The following SLC26A1 variants were observed in gnomAD, a reference collection of about 807,000 sequenced individuals.
The protein encoded by SLC26A1 is sulfate anion transporter 1.
Under a neutral mutation model 14.5 loss-of-function variants are expected in SLC26A1, and 18 were observed. The ratio of observed to expected loss-of-function variants is 1.24; its 90% CI spans 0.86 to 1.84. The LOEUF is 1.84. Among genes scored for constraint, SLC26A1 ranks in the 40% most tolerant of loss-of-function variants. The pLI, the probability that SLC26A1 is intolerant of heterozygous loss-of-function variation, is 0.00. For missense variants in SLC26A1, 1,049 were observed against 1,020.0 expected (o/e 1.03, Z -0.39); for synonymous variants, 505 against 492.0 (o/e 1.03, Z -0.35).
chr4:990,086 G>A lies in SLC26A1; in HGVS notation c.853C>T (p.Arg285Ter), dbSNP rs770596557. 1.6e-5 allele frequency: 26 copies of A among 1,598,518 alleles called. No individual in the cohort carries two copies. Among genetic ancestry groups the A allele is most frequent in the South Asian group, 5.6e-5 (5 of 88,762 alleles). ...LAAKELSDRYRHRLRVPLPTE... is the reference protein window; with the variant it reads ...LAAKELSDRY ...GGCAGCGGCACCCTCAGGCGGTGTCGGTAGCGGTCTGAGAGCTCCTTCGCG... is the reference window on the plus strand; with the variant it reads ...GGCAGCGGCACCCTCAGGCGGTGTCAGTAGCGGTCTGAGAGCTCCTTCGCG... Residue 285 changes from arginine (R) to a stop codon, truncating the protein, a stop_gained, in exon 3 of 3, where the codon CGA becomes TGA. Coordinates refer to ENST00000398516, the MANE Select transcript of SLC26A1 (RefSeq NM_022042.4). LOFTEE classifies it low-confidence loss of function (END_TRUNC).
downstream of SLC26A1, among the ~76,000 whole-genome samples, chr4:984,528 C>T (rs1713640990): frequency 6.6e-6 from 1 of 152,146 alleles, no homozygotes; most frequent in Non-Finnish European, 1.5e-5. Flanking sequence ...ATCATTGAGT[C>T]GTTTAATAAT....
chr4:992,191 T>C (rs189991599), intron 1 of SLC26A1: 2 of 460,258 alleles, frequency 4.3e-6, no homozygotes, highest in Non-Finnish European at 8.7e-6. Context: ...CAGGCAAGCC[T>C]GAGTCCAGCT....
At chr4:987,178 G>C, downstream of SLC26A1, 3 of 1,469,932 alleles carry the variant, frequency 2.0e-6, no homozygotes, top group South Asian at 1.3e-5. Context: ...CCCGCACCTG[G>C]TGCATGTGGA....
Position 990,054 on chromosome 4 carries a change from C to T in SLC26A1, c.885G>A (p.Glu295=), listed in dbSNP as rs1397959316. 4 of 1,601,328 alleles carry T rather than the reference C, an allele frequency of 2.5e-6. No individual in the cohort carries two copies. In the African/African-American group the frequency reaches 4.0e-5, roughly 16 times the overall value. The change falls in exon 3 of 3, where the codon GAG becomes GAA. Residue 295 remains glutamate (E), a synonymous_variant. Coordinates refer to ENST00000398516, the MANE Select transcript of SLC26A1 (RefSeq NM_022042.4). The stretch of plus-strand genomic sequence containing the variant: ...GTGTGGCCACCACGATGACCAGCAG[C>T]TCCGTGGGCAGCGGCACCCTCAGGC... ...RHRLRVPLPT[E]LLVIVVATLV... is the part of the protein sequence containing the mutation.
chr4:992,122 G>A (rs1714404309), intron 1 of SLC26A1: 2 of 491,244 alleles, frequency 4.1e-6, no homozygotes, highest in South Asian at 3.1e-5. Context: ...GGAACAGGCT[G>A]GGCTGCCACC....
chr4:982,456 G>T (rs1360980727), intron 2 of SLC26A1, among the ~76,000 whole-genome samples: 5 of 152,226 alleles, frequency 3.3e-5, no homozygotes. Context: ...AGAGAAATGG[G>T]TGCGTGCGTG....
intron 2 of SLC26A1, among the ~76,000 whole-genome samples, chr4:980,530 G>A (rs1186391363): frequency 6.7e-6 from 1 of 149,936 alleles, no homozygotes; most frequent in Admixed American, 6.7e-5. Context: ...AGGCTGCAGT[G>A]AGCCAGGATC....
rs750448829 is a variant in SLC26A1 at position 990,058 on chromosome 4, G to A, written c.881C>T (p.Thr294Met). Residue 294 changes from threonine to methionine, a missense_variant, in exon 3 of 3, where the codon ACG becomes ATG. Physicochemically the swap from Thr to Met is moderately conservative, Grantham distance 81. Coordinates refer to ENST00000398516, the MANE Select transcript of SLC26A1 (RefSeq NM_022042.4). ...YRHRLRVPLP[T>M]ELLVIVVATL... is the part of the protein sequence containing the mutation. Reference sequence around the variant, plus strand: ...GGCCACCACGATGACCAGCAGCTCCGTGGGCAGCGGCACCCTCAGGCGGTG... The same window carrying A: ...GGCCACCACGATGACCAGCAGCTCCATGGGCAGCGGCACCCTCAGGCGGTG... The A allele has an allele frequency of 3.9e-5, 62 of 1,601,288 alleles. 1 individual carries two copies. The highest frequency in any genetic ancestry group is 1.6e-4 in the Middle Eastern group (1 of 6,072).
At chr4:983,752 T>C (rs948828967), downstream of SLC26A1, among the ~76,000 whole-genome samples, 2 of 152,354 alleles carry the variant, frequency 1.3e-5, no homozygotes, top group African/African-American at 2.4e-5. Flanking sequence ...CCCCCCGCAC[T>C]CTTCACTTCT....
downstream of SLC26A1, among the ~76,000 whole-genome samples, chr4:983,016 G>GC (rs1319668287): frequency 6.6e-6 from 1 of 152,234 alleles, no homozygotes; most frequent in Non-Finnish European, 1.5e-5. Flanking sequence ...GGCGACAGGC[G>GC]CGGGCCTGGA....
downstream of SLC26A1, among the ~76,000 whole-genome samples, chr4:982,891 C>T (rs867808015): frequency 7.2e-5 from 11 of 152,248 alleles, no homozygotes; most frequent in African/African-American, 1.4e-4. Context: ...AACCCCCCTC[C>T]GTCTCCCCTG....
Position 989,653 on chromosome 4 carries a change from G to A in SLC26A1, c.1286C>T (p.Ala429Val), listed in dbSNP as rs139142520. The change falls in exon 3 of 3, where the codon GCG becomes GTG. Residue 429 changes from alanine (A) to valine (V), a missense_variant. Transcript: ENST00000398516. Reference sequence around the variant, plus strand: ...TAGGTCGTGGAACAGCGGTGCCAGCGCCAGCAGCACCAGCAGCACCACGGT... The same window carrying A: ...TAGGTCGTGGAACAGCGGTGCCAGCACCAGCAGCACCAGCAGCACCACGGT... The part of the protein sequence containing the change: ...SATVVLLVLL[A>V]LAPLFHDLQR... 5.9e-4 allele frequency: 934 copies of A among 1,588,650 alleles called. 1 individual carries two copies. Among genetic ancestry groups the A allele is most frequent in the Non-Finnish European group, 7.4e-4 (868 of 1,168,886 alleles).
Position 988,175 on chromosome 4 carries a change from A to T in SLC26A1, c.*658T>A. On this transcript the variant is annotated 3_prime_UTR_variant, in exon 3 of 3. Coordinates refer to ENST00000398516, the MANE Select transcript of SLC26A1 (RefSeq NM_022042.4). Reference sequence around the variant, plus strand: ...TTCCTGCAGGTCTCCCTGCAGGCTCAGGGTTGGCTGCGCCGCACCTGGCTC... The same window carrying T: ...TTCCTGCAGGTCTCCCTGCAGGCTCTGGGTTGGCTGCGCCGCACCTGGCTC... 5.8e-6 allele frequency: 8 copies of T among 1,384,898 alleles called. No individual in the cohort carries two copies. The highest frequency in any genetic ancestry group is 7.5e-6 in the Non-Finnish European group (8 of 1,070,004). The allele number at this position is 1,384,898 out of a possible 1,614,324, so 85.8% of individuals were successfully genotyped here.
At chr4:986,550 T>G (rs1383277865), downstream of SLC26A1, among the ~76,000 whole-genome samples, 2 of 152,218 alleles carry the variant, frequency 1.3e-5, no homozygotes, top group Non-Finnish European at 2.9e-5. Context: ...ATATTTTCAG[T>G]CTGCTTGGTT....
At position 989,556 on chromosome 4, in the gene SLC26A1, C is replaced by T. The variant is rs759250829; in HGVS notation, c.1383G>A (p.Pro461=). ...RGALRKVWDL[P]RLWRMSPADA... ...CAGCCGGGCTCATCCGCCACAGCCG[C>T]GGGAGGTCCCACACCTTGCGCAGGG... Residue 461 remains proline (P), a synonymous_variant, in exon 3 of 3, where the codon CCG becomes CCA. Transcript: ENST00000398516. The T allele has an allele frequency of 1.2e-4, 189 of 1,579,480 alleles. No homozygotes were observed. The highest frequency in any genetic ancestry group is 5.1e-4 in the East Asian group (22 of 43,380).
chr4:992,603 C>G, intron 1 of SLC26A1: 10 of 193,262 alleles, frequency 5.2e-5, no homozygotes, highest in Non-Finnish European at 8.6e-5. Flanking sequence ...CCCTTTTTCC[C>G]AGGCTGCACC....
Position 987,901 on chromosome 4 carries a change from G to A in SLC26A1, c.*932C>T. 3 of 1,607,382 alleles carry A rather than the reference G, an allele frequency of 1.9e-6. No individual in the cohort carries two copies. Among genetic ancestry groups the A allele is most frequent in the East Asian group, 2.2e-5 (1 of 44,560 alleles). On this transcript the variant is annotated 3_prime_UTR_variant, in exon 3 of 3. Transcript: ENST00000398516. Reference sequence around the variant, plus strand: ...TATGTGGGCGCCGTCCCTCACCGCGGCATCAAGCAGGTCCGGACCCACTGG... The same window carrying A: ...TATGTGGGCGCCGTCCCTCACCGCGACATCAAGCAGGTCCGGACCCACTGG...
rs554823905 is a variant in SLC26A1 at position 990,342 on chromosome 4, C to T, written c.597G>A (p.Arg199=). 2 of 1,601,630 alleles carry T rather than the reference C, an allele frequency of 1.2e-6. No homozygotes were observed. Among genetic ancestry groups the T allele is most frequent in the South Asian group, 2.2e-5 (2 of 88,900 alleles). Residue 199 remains arginine (R), a synonymous_variant, in exon 3 of 3, where the codon CGG becomes CGA. Transcript: ENST00000398516. ...AGAGGTAGGCGGACACGAAGCCCAGCCGGAGGACGCCCATGAGGACCTGTG... is the reference window on the plus strand; with the variant it reads ...AGAGGTAGGCGGACACGAAGCCCAGTCGGAGGACGCCCATGAGGACCTGTG... ...GLYQVLMGVL[R]LGFVSAYLSQ...
downstream of SLC26A1, chr4:986,706 G>A (rs1438091306): frequency 4.4e-6 from 2 of 450,390 alleles, no homozygotes; most frequent in Non-Finnish European, 9.0e-6. Flanking sequence ...GCAGTGAGCT[G>A]AGATCGCGCC....
Sources: allele counts gnomAD v4.1 joint callset (sites outside exome capture counted in the v4.1 genomes callset), GRCh38; gene constraint gnomAD v4.1.1; transcripts MANE v1.5; gene names NCBI Gene and HGNC (gene_info 2026-07-23, HGNC 2026-07-21).